ADGRL1: variants seen among roughly 807,000 people sequenced by gnomAD.
ADGRL1 encodes CIRL-1.
ADGRL1 carries 31 observed loss-of-function variants against 148.9 expected under a neutral mutation model. The observed-to-expected ratio is 0.21, with a 90% CI of 0.16 to 0.28. The LOEUF is 0.28. Ranked by LOEUF, ADGRL1 falls within the 10% of genes least tolerant of loss-of-function variation. The probability of loss-of-function intolerance (pLI) is 1.00; values close to 1 mark genes in which losing one functional copy is unlikely to be tolerated. For synonymous variants in ADGRL1, 937 were observed against 900.3 expected (o/e 1.04, Z -0.73); for missense variants, 1,521 against 2,058.8 (o/e 0.74, Z 5.05).
At chr19:14,180,263 C>A (rs1262072697) in intron 2 of ADGRL1, among the ~76,000 whole-genome samples, 1 of 151,846 alleles carries the variant, frequency 6.6e-6, no homozygotes, top group Non-Finnish European at 1.5e-5. Context: ...TGCCTGACTT[C>A]TATTTGTTTT....
chr19:14,156,328 C>T (rs1203988583), intron 16 of ADGRL1, 127 bp from the exon 17 acceptor site: 3 of 759,278 alleles, frequency 4.0e-6, no homozygotes, highest in African/African-American at 1.7e-5. Context: ...GAACCCCGTA[C>T]CTGCCCCTGA....
chr19:14,191,696 CTTTT>C (rs202173891), intron 1 of ADGRL1, among the ~76,000 whole-genome samples: 14 of 143,988 alleles, frequency 9.7e-5, no homozygotes, highest in Admixed American at 2.8e-4. Context: ...CTGTCTCTCT[CTTTT>C]TTTTTTTTTT....
rs571151195 is a variant in ADGRL1, at chr19:14,162,479, A to G, written c.1195+127T>C. On this transcript the variant is annotated intron_variant, in intron 5 of 22. Transcript: ENST00000361434. The surrounding 1 kb of genome is among the most constrained non-coding windows in gnomAD (Gnocchi z 5.4). ...GAACAGCGTCTGTCACATGCTGTGA[A>G]TTTCCTTTACCTCCCGATCCCCAAG... 1.3e-6 allele frequency: 1 copy of G among 776,276 alleles called. No homozygotes were observed. Among genetic ancestry groups the G allele is most frequent in the African/African-American group, 1.7e-5 (1 of 57,956 alleles). 48.1% of individuals were successfully genotyped at this position (776,276 alleles called of 1,614,324 possible).
rs376462269 is a variant in ADGRL1 at position 14,159,972 on chromosome 19, C to T, written c.1800+140G>A. ...AGGAGTGAGACCCGGCAGTCCTTGG[C>T]GGAGAGGGGGGGGTCCTTCCTCTCT... On this transcript the variant is annotated intron_variant, in intron 8 of 22. Coordinates refer to ENST00000361434, the MANE Select transcript of ADGRL1 (RefSeq NM_014921.5). This position sits in a 1 kb window ranked among gnomAD's most constrained non-coding sequence, Gnocchi z 6.0. 1.9e-5 allele frequency: 20 copies of T among 1,044,856 alleles called. No individual in the cohort carries two copies. The highest frequency in any genetic ancestry group is 1.8e-4 in the East Asian group (7 of 38,774). 64.7% of individuals were successfully genotyped at this position (1,044,856 alleles called of 1,614,324 possible).
rs1969254540 is a variant in ADGRL1, at chr19:14,160,557, C to T, written c.1614+36G>A. ...CTGGGCCCTGGGCCCTGGGCCCGAG[C>T]ACATGTGCCTGCCTGCGAGGGGTGG... On this transcript the variant is annotated intron_variant, in intron 7 of 22. Transcript: ENST00000361434. This position sits in a 1 kb window ranked among gnomAD's most constrained non-coding sequence, Gnocchi z 5.9. 1 of 1,477,398 alleles carries T rather than the reference C, an allele frequency of 6.8e-7. No individual in the cohort carries two copies. Among genetic ancestry groups the T allele is most frequent in the Non-Finnish European group, 9.2e-7 (1 of 1,083,406 alleles). The allele number at this position is 1,477,398 out of a possible 1,614,324, so 91.5% of individuals were successfully genotyped here.
At chr19:14,205,816 C>A (rs922126229) in intron 1 of ADGRL1, among the ~76,000 whole-genome samples, 169 bp downstream of exon 1, 2 of 151,694 alleles carry the variant, frequency 1.3e-5, no homozygotes, top group African/African-American at 4.8e-5. Flanking sequence ...CTGCCCCCGA[C>A]GCCCCTCCCG....
chr19:14,159,900 G>T lies in ADGRL1; in HGVS notation c.1801-127C>A. The stretch of plus-strand genomic sequence containing the variant: ...TGACCCAGGGCTGGGCTATCAGCAA[G>T]ACATTCCTCAGGGATCCCCAACCCC... On this transcript the variant is annotated intron_variant, in intron 8 of 22. Transcript: ENST00000361434. The surrounding 1 kb of genome is among the most constrained non-coding windows in gnomAD (Gnocchi z 6.0). 9.7e-7 allele frequency: 1 copy of T among 1,031,568 alleles called. No homozygotes were observed. Among genetic ancestry groups the T allele is most frequent in the Non-Finnish European group, 1.5e-6 (1 of 667,308 alleles). 63.9% of individuals were successfully genotyped at this position (1,031,568 alleles called of 1,614,324 possible).
rs1642924227 is a variant in ADGRL1, at chr19:14,159,867, G to A, written c.1801-94C>T. The A allele has an allele frequency of 1.7e-6, 2 of 1,204,240 alleles. No homozygotes were observed. Among genetic ancestry groups the A allele is most frequent in the African/African-American group, 1.5e-5 (1 of 67,172 alleles). 74.6% of individuals were successfully genotyped at this position (1,204,240 alleles called of 1,614,324 possible). On this transcript the variant is annotated intron_variant, in intron 8 of 22. Transcript: ENST00000361434. This position sits in a 1 kb window ranked among gnomAD's most constrained non-coding sequence, Gnocchi z 6.0. ...CATCTGGATAGCTCTCTCGTCTGCG[G>A]TTACCACTGACCCAGGGCTGGGCTA...
intron 2 of ADGRL1, among the ~76,000 whole-genome samples, chr19:14,182,889 C>T (rs1384551164): frequency 1.3e-5 from 2 of 152,200 alleles, no homozygotes; most frequent in African/African-American, 4.8e-5. Context: ...CCGCCAATGC[C>T]CTTCATACAG....
In ADGRL1 at chr19:14,184,634, A is replaced by ATTTTTTTT. The variant is rs1166987303; in HGVS notation, c.-95-938_-95-937insAAAAAAAA. On this transcript the variant is annotated intron_variant, in intron 1 of 22. Coordinates refer to ENST00000361434, the MANE Select transcript of ADGRL1 (RefSeq NM_014921.5). ...TATTTATTTATTTATTTATTTATTT[A>ATTTTTTTT]TTTATTTATTTATTTTTTTTTCTGA... Among the ~76,000 whole-genome samples the ATTTTTTTT allele has an allele frequency of 2.4e-4, 28 of 119,036 alleles. 1 individual carries two copies. The highest frequency in any genetic ancestry group is 3.9e-3 in the Middle Eastern group (1 of 254). The allele number at this position is 119,036 out of a possible 152,430, so 78.1% of individuals were successfully genotyped here. A position where few individuals can be genotyped will look rare whatever the true frequency, so the allele number is the denominator to read the frequency against.
rs957113132 is a variant in ADGRL1 at position 14,155,930 on chromosome 19, T to C, written c.3125+180A>G. 24 of 617,796 alleles carry C rather than the reference T, an allele frequency of 3.9e-5. No individual in the cohort carries two copies. The highest frequency in any genetic ancestry group is 4.3e-4 in the Middle Eastern group (1 of 2,344). 38.3% of individuals were successfully genotyped at this position (617,796 alleles called of 1,614,324 possible). The stretch of plus-strand genomic sequence containing the variant: ...GGTTGGACGTGCTAATGATACGCTA[T>C]CTAAGACCCATTAAGTAGGTACATA... On this transcript the variant is annotated intron_variant, in intron 17 of 22. Coordinates refer to ENST00000361434, the MANE Select transcript of ADGRL1 (RefSeq NM_014921.5). This position sits in a 1 kb window ranked among gnomAD's most constrained non-coding sequence, Gnocchi z 5.0.
intron 1 of ADGRL1, among the ~76,000 whole-genome samples, chr19:14,185,755 T>A (rs2145053707): frequency 6.6e-6 from 1 of 152,346 alleles, no homozygotes; most frequent in African/African-American, 2.4e-5. Flanking sequence ...GAATCTCTCA[T>A]CAGAGCCCCC....
chr19:14,171,790 AGGGGGCT>A (rs1382623661), intron 3 of ADGRL1, among the ~76,000 whole-genome samples: 1 of 152,170 alleles, frequency 6.6e-6, no homozygotes, highest in African/African-American at 2.4e-5. Flanking sequence ...TCAACTTCCC[AGGGGGCT>A]GGCTAGCATG....
chr19:14,157,255 T>C lies in ADGRL1; in HGVS notation c.2741A>G (p.Tyr914Cys). 6.2e-7 allele frequency: 1 copy of C among 1,614,024 alleles called. No individual in the cohort carries two copies. Among genetic ancestry groups the C allele is most frequent in the Non-Finnish European group, 8.5e-7 (1 of 1,179,992 alleles). The change falls in exon 14 of 23, where the codon TAT (tyrosine) becomes TGT (cysteine). Residue 914 changes from tyrosine (Y) to cysteine (C), a missense_variant. Tyr to Cys is a radical substitution (Grantham distance 194). Around this residue, in one of 8 missense-constraint regions of ADGRL1, gnomAD observed 26 missense variants for 75.0 expected, o/e 0.35. Transcript: ENST00000361434. This position sits in a 1 kb window ranked among gnomAD's most constrained non-coding sequence, Gnocchi z 7.5. ...LFLVGIDKTQ[Y>C]EIACPIFAGL... ...TGCCCTAGAGTCCCAGCCCACCTCA[T>C]ACTGAGTCTTGTCGATCCCGACCAG...
intron 4 of ADGRL1, among the ~76,000 whole-genome samples, chr19:14,163,911 A>G (rs1969693096): frequency 6.6e-6 from 1 of 151,658 alleles, no homozygotes; most frequent in South Asian, 2.1e-4. Flanking sequence ...GCTAGGGTCC[A>G]GGATCCCATC....
Position 14,162,767 on chromosome 19 carries a change from G to C in ADGRL1, c.1034C>G (p.Thr345Ser). Residue 345 changes from threonine (T) to serine (S), a missense_variant, in exon 5 of 23, where the codon ACC becomes AGC. Physicochemically the swap from Thr to Ser is moderately conservative, Grantham distance 58. Transcript: ENST00000361434. This position sits in a 1 kb window ranked among gnomAD's most constrained non-coding sequence, Gnocchi z 5.4. ...AGNRVDYAFNTNANREEPVSL... is the reference protein window; with the variant it reads ...AGNRVDYAFNSNANREEPVSL... ...GACAGGCTCCTCGCGGTTGGCATTG[G>C]TGTTGAAGGCATAGTCCACGCGGTT... The C allele has an allele frequency of 6.2e-7, 1 of 1,614,182 alleles. No individual in the cohort carries two copies. The highest frequency in any genetic ancestry group is 1.7e-5 in the Admixed American group (1 of 60,034).
chr19:14,158,614 C>A (rs1259216505), intron 11 of ADGRL1, 62 bp from the exon 12 acceptor site: 1 of 1,361,828 alleles, frequency 7.3e-7, no homozygotes, highest in Non-Finnish European at 1.0e-6. Flanking sequence ...TCCATCCAGG[C>A]CCCTGGCTTC....
intron 2 of ADGRL1, among the ~76,000 whole-genome samples, chr19:14,183,218 CGA>C (rs1262220395): frequency 8.0e-6 from 1 of 124,868 alleles, no homozygotes; most frequent in Non-Finnish European, 1.9e-5. Context: ...AGAGAGAGAG[CGA>C]GAGAGAGACA....
Position 14,157,632 on chromosome 19 carries a change from A to G in ADGRL1, c.2536-172T>C, listed in dbSNP as rs1438205461. 2.0e-5 allele frequency among the ~76,000 whole-genome samples: 3 copies of G among 152,200 alleles called. No individual in the cohort carries two copies. Among genetic ancestry groups the G allele is most frequent in the Admixed American group, 1.3e-4 (2 of 15,276 alleles). ...CACGCAGCAATGCGCTCACTTCCTC[A>G]TGCTCTGGAAGGCTTGTGGAGAGAT... is the stretch of plus-strand genomic sequence containing the variant. On this transcript the variant is annotated intron_variant, in intron 13 of 22. Transcript: ENST00000361434. The surrounding 1 kb of genome is among the most constrained non-coding windows in gnomAD (Gnocchi z 7.5).
Sources: allele counts gnomAD v4.1 joint callset (sites outside exome capture counted in the v4.1 genomes callset), GRCh38; gene constraint gnomAD v4.1.1; regional missense constraint gnomAD v4.1.1; non-coding constraint Gnocchi (gnomAD v3.1); transcripts MANE v1.5; gene names NCBI Gene and HGNC (gene_info 2026-07-23, HGNC 2026-07-21).